The following INPP4B variants were observed in gnomAD, a reference collection of about 807,000 sequenced individuals.
INPP4B encodes the protein inositol polyphosphate-4-phosphatase type II B, also known as inositol polyphosphate 4-phosphatase type II.
Under a neutral mutation model 122.5 loss-of-function variants are expected in INPP4B, and 55 were observed. The observed-to-expected ratio is 0.45, with a 90% CI of 0.36 to 0.56. INPP4B has a LOEUF of 0.56. INPP4B is among the 20% of genes least tolerant of loss of function. The pLI is 0.00. For missense variants in INPP4B, 1,000 were observed against 1,097.7 expected, an observed-to-expected ratio of 0.91 and a Z score of 1.26; for synonymous variants, 403 against 388.7, an observed-to-expected ratio of 1.04 and a Z score of -0.43.
intron 7 of INPP4B, among the ~76,000 whole-genome samples, chr4:142,382,871 C>T (rs1009986682): frequency 9.3e-5 from 14 of 150,848 alleles, no homozygotes; most frequent in African/African-American, 2.9e-4. Flanking sequence ...CTACAGAGTC[C>T]GAGAAAATAT....
chr4:142,340,887 T>C (rs936668296), intron 7 of INPP4B, among the ~76,000 whole-genome samples: 3 of 152,130 alleles, frequency 2.0e-5, no homozygotes, highest in African/African-American at 7.2e-5. Context: ...AAGTACCATC[T>C]GGAGAAAAAA....
rs567157278 is a variant in INPP4B, at chr4:142,387,492, A to AAG, written c.372+15445_372+15446insCT. 7.5e-3 allele frequency among the ~76,000 whole-genome samples: 1,127 copies of AAG among 150,524 alleles called. 10 individuals carry two copies. Among genetic ancestry groups the AAG allele is most frequent in the African/African-American group, 0.025 (1,029 of 40,790 alleles). The stretch of plus-strand genomic sequence containing the variant: ...CTGAAGTGCATTTAAAAAAAAAAAA[A>AAG]AAGAAAGAAAAAAAGATTTTCTTTT... On this transcript the variant is annotated intron_variant, in intron 7 of 25. Coordinates refer to ENST00000262992, the MANE Select transcript of INPP4B (RefSeq NM_001101669.3).
At chr4:142,653,433 G>C (rs1339648696) in intron 2 of INPP4B, among the ~76,000 whole-genome samples, 1 of 152,122 alleles carries the variant, frequency 6.6e-6, no homozygotes, top group African/African-American at 2.4e-5. Context: ...AGAGTGAACA[G>C]ACAACCTACT....
chr4:142,513,860 C>T (rs1232125221), intron 2 of INPP4B, among the ~76,000 whole-genome samples: 1 of 152,098 alleles, frequency 6.6e-6, no homozygotes, highest in African/African-American at 2.4e-5. Context: ...AGCACTTAGG[C>T]CACAGCAACA....
chr4:142,788,044 C>A (rs750558896), intron 1 of INPP4B, among the ~76,000 whole-genome samples: 4 of 151,978 alleles, frequency 2.6e-5, no homozygotes, highest in Non-Finnish European at 5.9e-5. Flanking sequence ...TTGCGGGAAG[C>A]CTTAAAGCCA....
intron 2 of INPP4B, among the ~76,000 whole-genome samples, chr4:142,548,991 A>G (rs1385462941): frequency 6.6e-6 from 1 of 152,092 alleles, no homozygotes; most frequent in Non-Finnish European, 1.5e-5. Context: ...CTCTAGAATT[A>G]CACAATGTCA....
At chr4:142,662,618 T>C (rs1209201986) in intron 2 of INPP4B, among the ~76,000 whole-genome samples, 2 of 152,204 alleles carry the variant, frequency 1.3e-5, no homozygotes, top group Middle Eastern at 3.4e-3. Context: ...AAGCAGCAGA[T>C]AGATCTGAGA....
chr4:142,570,261 A>T (rs1732521937), intron 2 of INPP4B, among the ~76,000 whole-genome samples: 1 of 152,046 alleles, frequency 6.6e-6, no homozygotes, highest in Non-Finnish European at 1.5e-5. Context: ...AGAGCCTCAT[A>T]TTCTTCCTCT....
intron 2 of INPP4B, among the ~76,000 whole-genome samples, chr4:142,695,967 C>T (rs1199883752): frequency 2.6e-5 from 4 of 152,062 alleles, no homozygotes; most frequent in African/African-American, 9.7e-5. Flanking sequence ...TAATCCAAAA[C>T]CTAGACACTG....
chr4:142,244,460 C>T (rs895199395), intron 11 of INPP4B, among the ~76,000 whole-genome samples: 2 of 151,648 alleles, frequency 1.3e-5, no homozygotes, highest in African/African-American at 4.9e-5. Flanking sequence ...CCATCATGCC[C>T]GGCTAATTAT....
At chr4:142,148,802 T>G (rs1398568192) in intron 17 of INPP4B, among the ~76,000 whole-genome samples, 2 of 152,166 alleles carry the variant, frequency 1.3e-5, no homozygotes, top group Non-Finnish European at 2.9e-5. Context: ...CCAATAAGCA[T>G]GTCATAAAGG....
intron 2 of INPP4B, among the ~76,000 whole-genome samples, chr4:142,685,702 G>A (rs1167270734): frequency 6.6e-6 from 1 of 152,070 alleles, no homozygotes; most frequent in African/African-American, 2.4e-5. Context: ...CAAGGCTGCA[G>A]TGAGCTGTGA....
chr4:142,406,837 T>G (rs543076486), intron 5 of INPP4B, among the ~76,000 whole-genome samples: 1 of 152,328 alleles, frequency 6.6e-6, no homozygotes, highest in African/African-American at 2.4e-5. Context: ...TTATTTCAGT[T>G]TTACATAGAA....
chr4:142,371,536 A>G (rs1789911466), intron 7 of INPP4B, among the ~76,000 whole-genome samples: 1 of 152,074 alleles, frequency 6.6e-6, no homozygotes, highest in Non-Finnish European at 1.5e-5. Context: ...CTGACAAGGG[A>G]CTAATATCCA....
chr4:142,716,668 G>A, intron 2 of INPP4B, among the ~76,000 whole-genome samples: 1 of 152,288 alleles, frequency 6.6e-6, no homozygotes, highest in Middle Eastern at 3.4e-3. Flanking sequence ...TTCCTAACAG[G>A]CCAGGTAGAG....
At chr4:142,097,254 T>TATTTTATTTC (rs1332575179) in intron 23 of INPP4B, among the ~76,000 whole-genome samples, 4 of 150,460 alleles carry the variant, frequency 2.7e-5, no homozygotes, top group Admixed American at 1.3e-4. Flanking sequence ...TATTTTATTT[T>TATTTTATTTC]ATTTTATTTT....
intron 2 of INPP4B, among the ~76,000 whole-genome samples, chr4:142,466,038 C>A (rs187068727): frequency 6.6e-6 from 1 of 152,200 alleles, no homozygotes; most frequent in Admixed American, 6.5e-5. Flanking sequence ...TATAGCAACA[C>A]AAGAGCAAAC....
At chr4:142,757,726 A>ATT (rs1770708475) in intron 1 of INPP4B, among the ~76,000 whole-genome samples, 1 of 104,906 alleles carries the variant, frequency 9.5e-6, no homozygotes, top group Admixed American at 8.4e-5. Flanking sequence ...GGCAATTATG[A>ATT]ATATAAACAT....
chr4:142,453,992 G>A (rs1814859039), intron 3 of INPP4B, among the ~76,000 whole-genome samples: 1 of 152,044 alleles, frequency 6.6e-6, no homozygotes, highest in Non-Finnish European at 1.5e-5. Context: ...TTAATTCTCT[G>A]TGATGAACTG....
Sources: gnomAD v4.1 joint callset for allele counts (sites outside exome capture counted in the v4.1 genomes callset) on GRCh38, gnomAD v4.1.1 for gene constraint, MANE v1.5 for transcripts, NCBI Gene and HGNC (gene_info 2026-07-23, HGNC 2026-07-21) for gene names.